ECE1: variants seen among roughly 807,000 people sequenced by gnomAD.
ECE1 encodes endothelin-converting enzyme 1.
Under a neutral mutation model 98.6 loss-of-function variants are expected in ECE1, and 35 were observed. The observed-to-expected ratio is 0.35, with a 90% CI of 0.27 to 0.47. The LOEUF is 0.47. Ranked by LOEUF, ECE1 falls within the 20% of genes least tolerant of loss-of-function variation. The pLI is 1.00. For missense variants in ECE1, 814 were observed against 1,025.3 expected (o/e 0.79, Z 2.81); for synonymous variants, 394 against 407.1 (o/e 0.97, Z 0.39).
intron 1 of ECE1, chr1:21,344,997 C>G (rs1639470324): frequency 1.2e-5 from 2 of 166,664 alleles, no homozygotes; most frequent in East Asian, 3.5e-4. Flanking sequence ...CGCCGCCACC[C>G]GCGAGCCCGA....
chr1:21,268,898 G>T (rs193283117), intron 4 of ECE1, among the ~76,000 whole-genome samples: 1 of 152,346 alleles, frequency 6.6e-6, no homozygotes, highest in East Asian at 1.9e-4. Flanking sequence ...GCCCACAGGT[G>T]AGGGGCCATT....
intron 10 of ECE1, 40 bp from the exon 11 acceptor site, chr1:21,238,284 C>G: frequency 1.3e-6 from 2 of 1,533,316 alleles, no homozygotes; most frequent in Non-Finnish European, 1.8e-6. Context: ...GGCCCCAGCC[C>G]TTTGTTTCCC....
chr1:21,320,764 C>T (rs943039706), intron 1 of ECE1, among the ~76,000 whole-genome samples: 1 of 152,230 alleles, frequency 6.6e-6, no homozygotes, highest in Non-Finnish European at 1.5e-5. Flanking sequence ...CTTTCTTCCC[C>T]ACCCTTCCTT....
At chr1:21,342,386 A>G (rs1639415500) in intron 1 of ECE1, among the ~76,000 whole-genome samples, 1 of 152,042 alleles carries the variant, frequency 6.6e-6, no homozygotes, top group African/African-American at 2.4e-5. Flanking sequence ...GGGTGGTTTG[A>G]GTACAACCGG....
intron 8 of ECE1, among the ~76,000 whole-genome samples, chr1:21,251,729 G>C (rs3026889): frequency 0.054 from 8,278 of 152,258 alleles, 306 homozygotes; most frequent in Non-Finnish European, 0.082. Context: ...ACCTGGATCA[G>C]CATCCCCAGG....
At chr1:21,341,040 C>T (rs933413420) in intron 1 of ECE1, among the ~76,000 whole-genome samples, 2 of 151,932 alleles carry the variant, frequency 1.3e-5, no homozygotes, top group African/African-American at 4.8e-5. Flanking sequence ...CTCCACCCCC[C>T]GCCCCCCAAC....
At chr1:21,337,898 C>T (rs1639333084) in intron 1 of ECE1, among the ~76,000 whole-genome samples, 1 of 152,246 alleles carries the variant, frequency 6.6e-6, no homozygotes, top group South Asian at 2.1e-4. Context: ...CTGCCCTCTC[C>T]TCCCCACACT....
chr1:21,336,894 T>C (rs1639314623), intron 1 of ECE1, among the ~76,000 whole-genome samples: 1 of 151,272 alleles, frequency 6.6e-6, no homozygotes, highest in African/African-American at 2.4e-5. Context: ...TGCCTGGTGT[T>C]GTGGCAAACG....
chr1:21,344,537 G>A (rs969682701), intron 1 of ECE1, among the ~76,000 whole-genome samples: 3 of 152,194 alleles, frequency 2.0e-5, no homozygotes, highest in Non-Finnish European at 4.4e-5. Flanking sequence ...AAGGGCCTTT[G>A]CTCTTGGGGT....
At chr1:21,295,854 G>T (rs1240284603) in intron 1 of ECE1, among the ~76,000 whole-genome samples, 4 of 152,186 alleles carry the variant, frequency 2.6e-5, no homozygotes, top group Non-Finnish European at 1.5e-5. Flanking sequence ...AGGTTTCCTG[G>T]CTCATGTGAC....
In ECE1 at chr1:21,325,890, G is replaced by C. The variant is rs528266515; in HGVS notation, c.3+19486C>G. On this transcript the variant is annotated intron_variant, in intron 1 of 18. Transcript: ENST00000415912. ...TCCCGACGCCACCCAGAGGCTCAAG[G>C]GGTGCCCCGGCTGCTCTCCGAAGCT... Among the ~76,000 whole-genome samples the C allele has an allele frequency of 7.8e-4, 119 of 152,280 alleles. 1 individual carries two copies. Among genetic ancestry groups the C allele is most frequent in the African/African-American group, 2.6e-3 (107 of 41,562 alleles).
intron 18 of ECE1, 129 bp downstream of exon 18, chr1:21,221,618 T>G (rs1558362036): frequency 1.1e-6 from 1 of 943,694 alleles, no homozygotes. Context: ...AGGGCACATG[T>G]GCTGTGCACA....
chr1:21,336,875 G>GA (rs201993463), intron 1 of ECE1, among the ~76,000 whole-genome samples: 6,892 of 151,808 alleles, frequency 0.045, 506 homozygotes, highest in African/African-American at 0.15. Context: ...CTAAAAAAAA[G>GA]AAAAAATTTG....
At position 21,235,829 on chromosome 1, in the gene ECE1, G is replaced by C; in HGVS notation, c.1566+21C>G. ...AAGGGGGCATTTAGGAACGCAAGGGGGCAGGGCAGCAGCTACTCACGTCAT... is the reference window on the plus strand; with the variant it reads ...AAGGGGGCATTTAGGAACGCAAGGGCGCAGGGCAGCAGCTACTCACGTCAT... On this transcript the variant is annotated intron_variant, in intron 13 of 18. Coordinates refer to ENST00000374893, the MANE Select transcript of ECE1 (RefSeq NM_001397.3). The surrounding 1 kb of genome is among the most constrained non-coding windows in gnomAD (Gnocchi z 4.2). The C allele has an allele frequency of 6.2e-7, 1 of 1,613,572 alleles. No individual in the cohort carries two copies. Among genetic ancestry groups the C allele is most frequent in the Non-Finnish European group, 8.5e-7 (1 of 1,179,458 alleles).
At chr1:21,274,592 G>A (rs907089195) in intron 3 of ECE1, among the ~76,000 whole-genome samples, 1 of 152,222 alleles carries the variant, frequency 6.6e-6, no homozygotes, top group East Asian at 1.9e-4. Context: ...AGTCTTTAGA[G>A]AGCAGCAAAG....
Position 21,333,336 on chromosome 1 carries a change from G to GC in ECE1, c.3+12039_3+12040insG, listed in dbSNP as rs1314579147. On this transcript the variant is annotated intron_variant, in intron 1 of 18. Transcript: ENST00000415912. The stretch of plus-strand genomic sequence containing the variant: ...ACAGCTCCAGCCCACCAGAGCCGTG[G>GC]GGGGGGCGGGGGGGTGGGTGGGTAG... Among the ~76,000 whole-genome samples the GC allele has an allele frequency of 1.5e-3, 234 of 151,788 alleles. 1 individual carries two copies. The highest frequency in any genetic ancestry group is 5.4e-3 in the African/African-American group (225 of 41,404).
intron 1 of ECE1, among the ~76,000 whole-genome samples, chr1:21,315,789 C>CA (rs754647376): frequency 0.033 from 1,481 of 45,234 alleles, 19 homozygotes; most frequent in African/African-American, 0.05. Flanking sequence ...GACTCTGTCT[C>CA]AAAAAAAAAA....
At chr1:21,296,544 A>C (rs1017031777) in intron 1 of ECE1, among the ~76,000 whole-genome samples, 10 of 152,146 alleles carry the variant, frequency 6.6e-5, no homozygotes, top group Non-Finnish European at 1.3e-4. Flanking sequence ...AAATAAAATA[A>C]AATAAAGTAA....
Position 21,260,765 on chromosome 1 carries a change from G to A in ECE1, c.494-373C>T, listed in dbSNP as rs2098225760. Among the ~76,000 whole-genome samples the A allele has an allele frequency of 6.6e-6, 1 of 152,202 alleles. No homozygotes were observed. Among genetic ancestry groups the A allele is most frequent in the Admixed American group, 6.5e-5 (1 of 15,284 alleles). On this transcript the variant is annotated intron_variant, in intron 4 of 18. Coordinates refer to ENST00000374893, the MANE Select transcript of ECE1 (RefSeq NM_001397.3). The surrounding 1 kb of genome is among the most constrained non-coding windows in gnomAD (Gnocchi z 4.3). The stretch of plus-strand genomic sequence containing the variant: ...CCCCTGCCTGGTGCATGGGACAGAG[G>A]CCGGTCTTGGTTTTCAGATACCAGA...
Sources: allele counts gnomAD v4.1 joint callset (sites outside exome capture counted in the v4.1 genomes callset), GRCh38; gene constraint gnomAD v4.1.1; non-coding constraint Gnocchi (gnomAD v3.1); transcripts MANE v1.5; gene names NCBI Gene and HGNC (gene_info 2026-07-23, HGNC 2026-07-21).